SH3GL2: variants seen among roughly 807,000 people sequenced by gnomAD.
SH3GL2 encodes SH3 domain containing GRB2 like 2, endophilin A1.
In SH3GL2, 24 loss-of-function variants were observed where a neutral mutation model predicts 46.0. That is an observed-to-expected ratio of 0.52 (90% CI 0.38 to 0.73). The LOEUF (loss-of-function observed/expected upper bound fraction) is 0.73. Among genes scored for constraint, SH3GL2 ranks in the 30% least tolerant of loss-of-function variants. SH3GL2 has a pLI of 0.00. For synonymous variants in SH3GL2, 196 were observed against 147.1 expected (o/e 1.33, Z -2.40); for missense variants, 413 against 424.2 (o/e 0.97, Z 0.23).
intron 1 of SH3GL2, among the ~76,000 whole-genome samples, chr9:17,645,234 T>A (rs1325473799): frequency 6.7e-6 from 1 of 149,826 alleles, no homozygotes; most frequent in Non-Finnish European, 1.5e-5. Context: ...TGAGCCTGTG[T>A]GTGCTTTTGC....
intron 1 of SH3GL2, among the ~76,000 whole-genome samples, chr9:17,605,077 A>T (rs1818739484): frequency 6.7e-6 from 1 of 150,344 alleles, no homozygotes; most frequent in Non-Finnish European, 1.5e-5. Context: ...GGCTCAAGTG[A>T]TCCTCTCACC....
At chr9:17,680,115 C>T (rs1175473203) in intron 1 of SH3GL2, among the ~76,000 whole-genome samples, 1 of 152,134 alleles carries the variant, frequency 6.6e-6, no homozygotes, top group African/African-American at 2.4e-5. Flanking sequence ...CTCTGCCCGG[C>T]TTTGGTATCA....
chr9:17,719,555 G>C (rs899706309), intron 1 of SH3GL2, among the ~76,000 whole-genome samples: 1 of 152,088 alleles, frequency 6.6e-6, no homozygotes, highest in African/African-American at 2.4e-5. Context: ...GGAGGCCAAC[G>C]TGGGAGGATA....
chr9:17,591,360 A>G (rs1272620946), intron 1 of SH3GL2: 1 of 152,194 alleles, frequency 6.6e-6, no homozygotes, highest in African/African-American at 2.4e-5. Flanking sequence ...TGCCCCCCAA[A>G]AAAGGTCAAC....
intron 1 of SH3GL2, among the ~76,000 whole-genome samples, chr9:17,581,101 T>G (rs150172050): frequency 0.011 from 1,699 of 152,348 alleles, 19 homozygotes; most frequent in Non-Finnish European, 0.018. Context: ...TAAATTATAG[T>G]TATTGACATA....
intron 1 of SH3GL2, among the ~76,000 whole-genome samples, chr9:17,618,045 C>A (rs762187828): frequency 3.3e-5 from 5 of 152,104 alleles, no homozygotes; most frequent in Non-Finnish European, 1.5e-5. Flanking sequence ...GCAGAAGTTG[C>A]AGTTGGGAGT....
chr9:17,722,106 G>C lies in SH3GL2; in HGVS notation c.46-24960G>C, dbSNP rs143548602. Among the ~76,000 whole-genome samples the C allele has an allele frequency of 5.3e-3, 803 of 152,170 alleles. 13 individuals carry two copies. The highest frequency in any genetic ancestry group is 0.018 in the African/African-American group (752 of 41,548). Reference sequence around the variant, plus strand: ...TCTACTTTGGAGGAATCTGAAGGTGGTGAGGAAGTGAAAGACCTGCCCAAA... The same window carrying C: ...TCTACTTTGGAGGAATCTGAAGGTGCTGAGGAAGTGAAAGACCTGCCCAAA... On this transcript the variant is annotated intron_variant, in intron 1 of 8. Coordinates refer to ENST00000380607, the MANE Select transcript of SH3GL2 (RefSeq NM_003026.5).
chr9:17,689,620 G>C (rs935098502), intron 1 of SH3GL2, among the ~76,000 whole-genome samples: 1 of 150,558 alleles, frequency 6.6e-6, no homozygotes, highest in Admixed American at 6.6e-5. Flanking sequence ...CACTGTCCCT[G>C]CTACTCTGGC....
intron 1 of SH3GL2, among the ~76,000 whole-genome samples, chr9:17,579,600 T>C (rs1428067104): frequency 1.3e-5 from 2 of 152,104 alleles, no homozygotes; most frequent in Non-Finnish European, 2.9e-5. Context: ...GCTGCACTGC[T>C]GCCGCGGCGC....
intron 4 of SH3GL2, among the ~76,000 whole-genome samples, 156 bp from the exon 5 acceptor site, chr9:17,787,224 G>A (rs765531896): frequency 6.6e-6 from 1 of 152,172 alleles, no homozygotes; most frequent in Admixed American, 6.5e-5. Flanking sequence ...CATTGAGTCT[G>A]TTGCCTGGAG....
chr9:17,634,965 G>C (rs1303726300), intron 1 of SH3GL2, among the ~76,000 whole-genome samples: 1 of 152,164 alleles, frequency 6.6e-6, no homozygotes, highest in Non-Finnish European at 1.5e-5. Context: ...AGTTATTTGA[G>C]CATTCCTTTT....
rs903464648 is a variant in SH3GL2 at position 17,579,695 on chromosome 9, C to T, written c.45+408C>T. Reference sequence around the variant, plus strand: ...TGCGGAGTCGGTGCACCCGGCTTTCCCGGGATGTGTTGGCATGAGCGGTGG... The same window carrying T: ...TGCGGAGTCGGTGCACCCGGCTTTCTCGGGATGTGTTGGCATGAGCGGTGG... On this transcript the variant is annotated intron_variant, in intron 1 of 8. Transcript: ENST00000380607. Among the ~76,000 whole-genome samples, 12 of 152,260 alleles carry T rather than the reference C, an allele frequency of 7.9e-5. 1 individual carries two copies. Among genetic ancestry groups the T allele is most frequent in the Non-Finnish European group, 1.5e-4 (10 of 68,000 alleles).
At chr9:17,758,590 A>AAAAAAAAAAAAAAAAAAAAG (rs1312129793) in intron 2 of SH3GL2, among the ~76,000 whole-genome samples, 1 of 147,008 alleles carries the variant, frequency 6.8e-6, no homozygotes, top group Non-Finnish European at 1.5e-5. Flanking sequence ...AAAAAAAAAA[A>AAAAAAAAAAAAAAAAAAAAG]AAAAATTGCA....
chr9:17,670,705 G>T (rs2117959334), intron 1 of SH3GL2, among the ~76,000 whole-genome samples: 1 of 152,218 alleles, frequency 6.6e-6, no homozygotes, highest in South Asian at 2.1e-4. Context: ...TGTCGCATTT[G>T]CTTGCACCTT....
At chr9:17,717,810 ATT>A (rs11362217) in intron 1 of SH3GL2, among the ~76,000 whole-genome samples, 1 of 151,848 alleles carries the variant, frequency 6.6e-6, no homozygotes, top group South Asian at 2.1e-4. Flanking sequence ...GTTTGATATT[ATT>A]TAGTAGTAGT....
intron 3 of SH3GL2, among the ~76,000 whole-genome samples, chr9:17,764,592 C>A (rs535907542): frequency 6.6e-6 from 1 of 152,328 alleles, no homozygotes; most frequent in East Asian, 1.9e-4. Context: ...AACACATTTA[C>A]ATGGACAGGC....
chr9:17,598,107 G>T (rs1243128654), intron 1 of SH3GL2, among the ~76,000 whole-genome samples: 1 of 152,222 alleles, frequency 6.6e-6, no homozygotes, highest in Non-Finnish European at 1.5e-5. Context: ...ACATTCTGTT[G>T]TGGAGAGAGG....
chr9:17,667,947 GT>G (rs764930282), intron 1 of SH3GL2, among the ~76,000 whole-genome samples: 1 of 152,192 alleles, frequency 6.6e-6, no homozygotes, highest in South Asian at 2.1e-4. Flanking sequence ...TCATTTGTAT[GT>G]TTTATTTAGA....
chr9:17,629,105 C>T (rs765965232), intron 1 of SH3GL2, among the ~76,000 whole-genome samples: 5 of 151,738 alleles, frequency 3.3e-5, no homozygotes, highest in Middle Eastern at 3.4e-3. Flanking sequence ...AGGAGGATTG[C>T]GTGGAGTTTG....
Sources: gnomAD v4.1 joint callset for allele counts (sites outside exome capture counted in the v4.1 genomes callset) on GRCh38, gnomAD v4.1.1 for gene constraint, MANE v1.5 for transcripts, NCBI Gene and HGNC (gene_info 2026-07-23, HGNC 2026-07-21) for gene names.